SARM1: variants seen among roughly 807,000 people sequenced by gnomAD.
SARM1 encodes sterile alpha and TIR motif containing 1.
In SARM1, 60 loss-of-function variants were observed where a neutral mutation model predicts 65.1. The observed-to-expected ratio is 0.92, with a 90% CI of 0.75 to 1.14. SARM1 has a LOEUF of 1.14. SARM1 is among the 50% of genes most tolerant of loss of function. The pLI, the probability that SARM1 is intolerant of heterozygous loss-of-function variation, is 0.00. For synonymous variants in SARM1, 417 were observed against 465.4 expected (o/e 0.90, Z 1.34); for missense variants, 913 against 1,015.7 (o/e 0.90, Z 1.37).
chr17:28,377,005 G>C (rs1272984337), intron 1 of SARM1, among the ~76,000 whole-genome samples: 1 of 152,112 alleles, frequency 6.6e-6, no homozygotes, highest in African/African-American at 2.4e-5. Flanking sequence ...GGCCAGGCTG[G>C]TCTCGAACTC....
At position 28,381,575 on chromosome 17, in the gene SARM1, GGAGGTGGAGCGC is replaced by G. The variant is rs782231593; in HGVS notation, c.856_867del (p.Glu286_Arg289del). ...CAGTAGCGGTGTTGGCGACTAACAA[GGAGGTGGAGCGC>G]GAGGTGGAGCGCTCGGGCACGCTGG... On this transcript the variant is annotated inframe_deletion, in exon 2 of 9. Coordinates refer to ENST00000585482, the MANE Select transcript of SARM1 (RefSeq NM_015077.4). 47 of 1,592,546 alleles carry G rather than the reference GGAGGTGGAGCGC, an allele frequency of 3.0e-5. No homozygotes were observed. The highest frequency in any genetic ancestry group is 1.2e-4 in the Admixed American group (7 of 57,216).
Position 28,393,950 on chromosome 17 carries a change from C to T in SARM1, c.1924-1955C>T, listed in dbSNP as rs782489052. ...GGTCAGGGCAGTGGGAGACAACTGC[C>T]CTGTGTAAGAGTTGATTGAGCTCAG... On this transcript the variant is annotated intron_variant, in intron 7 of 8. Transcript: ENST00000585482. Among the ~76,000 whole-genome samples, 17 of 152,188 alleles carry T rather than the reference C, an allele frequency of 1.1e-4. No homozygotes were observed. In the Middle Eastern group the frequency reaches 0.01, roughly 91 times the overall value.
chr17:28,400,678 C>T lies in SARM1; in HGVS notation c.*4392C>T, dbSNP rs782590413. ...GGAAGGGGAACCCCTTCATAAAGTT[C>T]AGAGTGGCTGGGTAGAGTGAGTTGA... On this transcript the variant is annotated 3_prime_UTR_variant, in exon 9 of 9. Coordinates refer to ENST00000585482, the MANE Select transcript of SARM1 (RefSeq NM_015077.4). 2 of 1,613,286 alleles carry T rather than the reference C, an allele frequency of 1.2e-6. No individual in the cohort carries two copies. Among genetic ancestry groups the T allele is most frequent in the Admixed American group, 3.3e-5 (2 of 59,938 alleles).
chr17:28,377,811 T>C (rs12165032), intron 1 of SARM1, among the ~76,000 whole-genome samples: 18,270 of 152,096 alleles, frequency 0.12, 1,307 homozygotes, highest in East Asian at 0.23. Context: ...GTTTCTCCTA[T>C]CTCAGCCTCC....
At chr17:28,387,662 G>A (rs960930869) in intron 5 of SARM1, among the ~76,000 whole-genome samples, 3 of 152,262 alleles carry the variant, frequency 2.0e-5, no homozygotes, top group Non-Finnish European at 4.4e-5. Context: ...CTGGCGCTTA[G>A]TACTGAGCGT....
chr17:28,389,133 G>A (rs2068068320), intron 7 of SARM1, among the ~76,000 whole-genome samples: 1 of 152,168 alleles, frequency 6.6e-6, no homozygotes, highest in African/African-American at 2.4e-5. Flanking sequence ...CAGGCAGAAT[G>A]GAATAGTTGT....
At chr17:28,395,825 G>T in intron 7 of SARM1, 80 bp from the exon 8 acceptor site, 2 of 1,566,130 alleles carry the variant, frequency 1.3e-6, no homozygotes, top group Non-Finnish European at 1.7e-6. Context: ...TCGGGCCAGT[G>T]GGCCTCCCAG....
At chr17:28,379,243 A>C (rs2068008194) in intron 1 of SARM1, among the ~76,000 whole-genome samples, 1 of 152,054 alleles carries the variant, frequency 6.6e-6, no homozygotes, top group Admixed American at 6.6e-5. Flanking sequence ...TTTGAAATAA[A>C]ATAAAATGAT....
chr17:28,396,160 G>A lies in SARM1; in HGVS notation c.2049G>A (p.Trp683Ter). The A allele has an allele frequency of 8.1e-6, 13 of 1,613,932 alleles. No homozygotes were observed. The highest frequency in any genetic ancestry group is 1.1e-5 in the Non-Finnish European group (13 of 1,179,872). The stretch of plus-strand genomic sequence containing the variant: ...ACATTGGCTCCTGTGCCCACAGGTG[G>A]TCCCACGAATACCAGGAGGCCACCA... Reference protein sequence around the residue: ...QAVLTFNGIKWSHEYQEATIE... With the variant: ...QAVLTFNGIK Residue 683 changes from tryptophan to a stop codon, truncating the protein, a stop_gained, in exon 9 of 9, where the codon TGG (tryptophan) becomes TGA (stop). Transcript: ENST00000585482. LOFTEE classifies it high-confidence loss of function.
chr17:28,402,139 G>C lies in SARM1; in HGVS notation c.*5853G>C, dbSNP rs2068203187. On this transcript the variant is annotated 3_prime_UTR_variant, in exon 9 of 9. Coordinates refer to ENST00000585482, the MANE Select transcript of SARM1 (RefSeq NM_015077.4). ...CCACTTACTTCTCCAGGGTGAGAGG[G>C]GGGAAGGCAAGCTGTTCCCCCAGCC... 1 of 1,029,980 alleles carries C rather than the reference G, an allele frequency of 9.7e-7. No homozygotes were observed. The highest frequency in any genetic ancestry group is 1.4e-6 in the Non-Finnish European group (1 of 706,256). The allele number at this position is 1,029,980 out of a possible 1,614,324, so 63.8% of individuals were successfully genotyped here. A position where few individuals can be genotyped will look rare whatever the true frequency, so the allele number is the denominator to read the frequency against.
Position 28,400,501 on chromosome 17 carries a change from G to A in SARM1, c.*4215G>A. On this transcript the variant is annotated 3_prime_UTR_variant, in exon 9 of 9. Coordinates refer to ENST00000585482, the MANE Select transcript of SARM1 (RefSeq NM_015077.4). Reference sequence around the variant, plus strand: ...GGGGCAACCTGGGACAAGACACCCAGAGGGTAAGGATTCCAGGAATGAAGC... The same window carrying A: ...GGGGCAACCTGGGACAAGACACCCAAAGGGTAAGGATTCCAGGAATGAAGC... 4.2e-6 allele frequency: 6 copies of A among 1,433,144 alleles called. No individual in the cohort carries two copies. In the South Asian group the frequency reaches 7.9e-5, roughly 19 times the overall value. 88.8% of individuals were successfully genotyped at this position (1,433,144 alleles called of 1,614,324 possible). A position where few individuals can be genotyped will look rare whatever the true frequency, so the allele number is the denominator to read the frequency against.
intron 1 of SARM1, among the ~76,000 whole-genome samples, chr17:28,376,238 G>A (rs1316378369): frequency 4.6e-5 from 7 of 151,998 alleles, no homozygotes; most frequent in Non-Finnish European, 7.4e-5. Context: ...TCCCTTCGCT[G>A]GGCCTCAGGT....
rs2142431631 is a variant in SARM1 at position 28,385,070 on chromosome 17, C to G, written c.1425C>G (p.Thr475=). 5 of 1,613,910 alleles carry G rather than the reference C, an allele frequency of 3.1e-6. No individual in the cohort carries two copies. The highest frequency in any genetic ancestry group is 1.3e-5 in the African/African-American group (1 of 75,074). Residue 475 remains threonine (T), a synonymous_variant, in exon 5 of 9, where the codon ACC becomes ACG. Coordinates refer to ENST00000585482, the MANE Select transcript of SARM1 (RefSeq NM_015077.4). The surrounding 1 kb of genome is among the most constrained non-coding windows in gnomAD (Gnocchi z 4.5). The part of the protein sequence containing the change: ...RFFRELTELK[T]FANYSTCDRS... Reference sequence around the variant, plus strand: ...TTAGGGAGCTCACGGAGCTCAAGACCTTCGCCAACTATTCTACGTGCGACC... The same window carrying G: ...TTAGGGAGCTCACGGAGCTCAAGACGTTCGCCAACTATTCTACGTGCGACC...
rs546244688 is a variant in SARM1, at chr17:28,384,632, G to T, written c.1302+63G>T. 72 of 1,444,174 alleles carry T rather than the reference G, an allele frequency of 5.0e-5. 1 individual carries two copies. In the South Asian group the frequency reaches 5.5e-4, roughly 11 times the overall value. 89.5% of individuals were successfully genotyped at this position (1,444,174 alleles called of 1,614,324 possible). A position where few individuals can be genotyped will look rare whatever the true frequency, so the allele number is the denominator to read the frequency against. ...CGGGCGCCCTGTGCACAGGGACTGC[G>T]TTCCCTCCCCGCCTCGCAATCCCGC... On this transcript the variant is annotated intron_variant, in intron 3 of 8. Transcript: ENST00000585482. This position sits in a 1 kb window ranked among gnomAD's most constrained non-coding sequence, Gnocchi z 4.4.
intron 7 of SARM1, among the ~76,000 whole-genome samples, chr17:28,393,786 A>T (rs960475290): frequency 1.3e-5 from 2 of 152,204 alleles, no homozygotes; most frequent in Non-Finnish European, 2.9e-5. Context: ...AGATGCTGAG[A>T]TATAAGGTCA....
chr17:28,384,524 G>A lies in SARM1; in HGVS notation c.1257G>A (p.Thr419=), dbSNP rs1555585652. 5.0e-6 allele frequency: 8 copies of A among 1,613,002 alleles called. No homozygotes were observed. The highest frequency in any genetic ancestry group is 1.7e-5 in the Admixed American group (1 of 59,898). The change falls in exon 3 of 9, where the codon ACG becomes ACA. Residue 419 remains threonine, a synonymous_variant. Transcript: ENST00000585482. The surrounding 1 kb of genome is among the most constrained non-coding windows in gnomAD (Gnocchi z 4.4). Reference sequence around the variant, plus strand: ...GCTGGAAGGAGGCCGAGGTTCAGACGTGGCTGCAGCAGATCGGTTTCTCCA... The same window carrying A: ...GCTGGAAGGAGGCCGAGGTTCAGACATGGCTGCAGCAGATCGGTTTCTCCA... ...VPSWKEAEVQ[T]WLQQIGFSKY...
At position 28,397,648 on chromosome 17, in the gene SARM1, C is replaced by T. The variant is rs781929196; in HGVS notation, c.*1362C>T. 6.6e-6 allele frequency: 1 copy of T among 152,228 alleles called. No individual in the cohort carries two copies. The highest frequency in any genetic ancestry group is 1.5e-5 in the Non-Finnish European group (1 of 68,062). The allele number at this position is 152,228 out of a possible 1,614,324, so 9.4% of individuals were successfully genotyped here. ...TCTGAGGCTGGGCTATTGCTTCTCC[C>T]TTGCTTCAAAGAATCTAGCAGCGGG... On this transcript the variant is annotated 3_prime_UTR_variant, in exon 9 of 9. Coordinates refer to ENST00000585482, the MANE Select transcript of SARM1 (RefSeq NM_015077.4).
At position 28,398,595 on chromosome 17, in the gene SARM1, G is replaced by C. The variant is rs958158025; in HGVS notation, c.*2309G>C. ...GGCTGGGCTGCAGCTGCTACCCCTC[G>C]GTTGGGGCTGAGTCAGCCAGATCCT... On this transcript the variant is annotated 3_prime_UTR_variant, in exon 9 of 9. Coordinates refer to ENST00000585482, the MANE Select transcript of SARM1 (RefSeq NM_015077.4). 4 of 152,678 alleles carry C rather than the reference G, an allele frequency of 2.6e-5. No individual in the cohort carries two copies. Among genetic ancestry groups the C allele is most frequent in the African/African-American group, 9.7e-5 (4 of 41,432 alleles). 9.5% of individuals were successfully genotyped at this position (152,678 alleles called of 1,614,324 possible).
At position 28,372,157 on chromosome 17, in the gene SARM1, G is replaced by A; in HGVS notation, c.125G>A (p.Trp42Ter). The A allele has an allele frequency of 7.2e-7, 1 of 1,382,572 alleles. No homozygotes were observed. The highest frequency in any genetic ancestry group is 9.3e-7 in the Non-Finnish European group (1 of 1,078,548). The allele number at this position is 1,382,572 out of a possible 1,614,324, so 85.6% of individuals were successfully genotyped here. ...GPDGGGGTGP[W>*]WAAGGRGPRE... ...GATGGGGGCGGTGGCACGGGCCCATGGTGGGCTGCGGGTGGCCGCGGGCCC... is the reference window on the plus strand; with the variant it reads ...GATGGGGGCGGTGGCACGGGCCCATAGTGGGCTGCGGGTGGCCGCGGGCCC... Residue 42 changes from tryptophan (W) to a stop codon, truncating the protein, a stop_gained, in exon 1 of 9, where the codon TGG becomes TAG. Transcript: ENST00000585482. LOFTEE classifies it high-confidence loss of function. This position sits in a 1 kb window ranked among gnomAD's most constrained non-coding sequence, Gnocchi z 5.2.
Sources: gnomAD v4.1 joint callset for allele counts (sites outside exome capture counted in the v4.1 genomes callset) on GRCh38, gnomAD v4.1.1 for gene constraint, Gnocchi (gnomAD v3.1) non-coding constraint, MANE v1.5 for transcripts, NCBI Gene and HGNC (gene_info 2026-07-23, HGNC 2026-07-21) for gene names.